The following SLC27A6 variants were observed in gnomAD, a reference collection of about 807,000 sequenced individuals.
The protein encoded by SLC27A6 is long-chain fatty acid transport protein 6.
SLC27A6 carries 74 observed loss-of-function variants against 63.9 expected under a neutral mutation model. That is an observed-to-expected ratio of 1.16 (90% CI 0.96 to 1.40). SLC27A6 has a LOEUF of 1.40. Among genes scored for constraint, SLC27A6 ranks in the 40% most tolerant of loss-of-function variants. SLC27A6 has a pLI of 0.00. For missense variants in SLC27A6, 794 were observed against 732.9 expected (o/e 1.08, Z -0.96); for synonymous variants, 287 against 260.8 (o/e 1.10, Z -0.97).
chr5:129,009,128 A>G (rs150909540), intron 4 of SLC27A6, among the ~76,000 whole-genome samples: 96 of 152,240 alleles, frequency 6.3e-4, no homozygotes, highest in African/African-American at 2.1e-3. Flanking sequence ...TGGCCTCCCA[A>G]AGTGCTGAGG....
rs774365229 is a variant in SLC27A6 at position 128,966,466 on chromosome 5, TG to T, written c.330del (p.Leu111Ter). Reference sequence around the variant, plus strand: ...CTGAAAAAGGGGGACACGGTGGCTCTGCTGATGAGCAATGAGCCGGACTTCG... The same window carrying T: ...CTGAAAAAGGGGGACACGGTGGCTCTCTGATGAGCAATGAGCCGGACTTCG... ...SSLKKGDTVA[L>X]LMSNEPDFVH... On this transcript the variant is annotated frameshift_variant, in exon 1 of 10. Coordinates refer to ENST00000262462, the MANE Select transcript of SLC27A6 (RefSeq NM_001017372.3). LOFTEE classifies it high-confidence loss of function. 6.2e-7 allele frequency: 1 copy of T among 1,608,952 alleles called. No individual in the cohort carries two copies. The highest frequency in any genetic ancestry group is 1.7e-5 in the Admixed American group (1 of 59,348).
intron 5 of SLC27A6, among the ~76,000 whole-genome samples, chr5:129,016,752 A>G (rs1163736033): frequency 6.6e-6 from 1 of 151,950 alleles, no homozygotes; most frequent in African/African-American, 2.4e-5. Context: ...CACTATTTCT[A>G]TTTATCTTTC....
At chr5:128,978,037 G>A (rs1418951417) in intron 1 of SLC27A6, among the ~76,000 whole-genome samples, 1 of 152,150 alleles carries the variant, frequency 6.6e-6, no homozygotes, top group Non-Finnish European at 1.5e-5. Context: ...AAGTTTCCCA[G>A]AGAAATTTGG....
At chr5:129,020,955 G>A (rs1303180863) in intron 5 of SLC27A6, among the ~76,000 whole-genome samples, 2 of 151,832 alleles carry the variant, frequency 1.3e-5, no homozygotes, top group African/African-American at 4.8e-5. Context: ...TCCTGGAATT[G>A]TATAATAATA....
intron 4 of SLC27A6, among the ~76,000 whole-genome samples, chr5:129,012,005 ATATAT>A (rs919632433): frequency 6.6e-6 from 1 of 151,934 alleles, no homozygotes; most frequent in Non-Finnish European, 1.5e-5. Context: ...ATAAATATAC[ATATAT>A]TATAGTTTGG....
rs141705091 is a variant in SLC27A6, at chr5:128,974,654, G to A, written c.481+8036G>A. Among the ~76,000 whole-genome samples, 90 of 152,298 alleles carry A rather than the reference G, an allele frequency of 5.9e-4. No homozygotes were observed. In the East Asian group the frequency reaches 0.017, roughly 28 times the overall value. On this transcript the variant is annotated intron_variant, in intron 1 of 9. Coordinates refer to ENST00000262462, the MANE Select transcript of SLC27A6 (RefSeq NM_001017372.3). ...TTAAATCATTATACCCCCAGGGAGA[G>A]TATATTGAGGTAGAAAGATGAATCA...
intron 9 of SLC27A6, among the ~76,000 whole-genome samples, chr5:129,032,905 A>C (rs1472626650): frequency 6.6e-6 from 1 of 151,966 alleles, no homozygotes; most frequent in East Asian, 1.9e-4. Flanking sequence ...TTTATATTTA[A>C]GTAAAGTTTA....
At chr5:128,997,134 C>T (rs758160208) in intron 4 of SLC27A6, among the ~76,000 whole-genome samples, 11 of 152,102 alleles carry the variant, frequency 7.2e-5, no homozygotes, top group Non-Finnish European at 1.3e-4. Flanking sequence ...TTTCCCACCA[C>T]ATTTTAGTAA....
intron 6 of SLC27A6, among the ~76,000 whole-genome samples, chr5:129,026,528 A>T (rs772089279): frequency 5.3e-5 from 8 of 152,170 alleles, no homozygotes; most frequent in Non-Finnish European, 4.4e-5. Flanking sequence ...TGTGTGTTGG[A>T]TCAGAGATAG....
chr5:128,967,922 C>A (rs1194388457), intron 1 of SLC27A6, among the ~76,000 whole-genome samples: 1 of 152,050 alleles, frequency 6.6e-6, no homozygotes, highest in East Asian at 1.9e-4. Context: ...TCCCCCCACC[C>A]CACGACAGGC....
intron 3 of SLC27A6, 69 bp downstream of exon 3, chr5:128,988,827 T>C: frequency 3.2e-6 from 4 of 1,250,722 alleles, no homozygotes; most frequent in Non-Finnish European, 4.5e-6. Flanking sequence ...TTTATTAACA[T>C]TTGAAGCTGT....
At chr5:128,967,594 G>C (rs563173095) in intron 1 of SLC27A6, among the ~76,000 whole-genome samples, 5 of 152,224 alleles carry the variant, frequency 3.3e-5, no homozygotes, top group African/African-American at 1.2e-4. Flanking sequence ...CTAAGGTATA[G>C]AACTTTTCAA....
At chr5:129,025,530 C>T (rs1752210951) in intron 6 of SLC27A6, among the ~76,000 whole-genome samples, 1 of 151,846 alleles carries the variant, frequency 6.6e-6, no homozygotes, top group South Asian at 2.1e-4. Context: ...TCAGTTTTTT[C>T]ACCTTAAAAT....
intron 1 of SLC27A6, 40 bp from the exon 2 acceptor site, chr5:128,985,093 T>G: frequency 6.9e-7 from 1 of 1,456,606 alleles, no homozygotes; most frequent in African/African-American, 1.4e-5. Context: ...TGTTTGAGAT[T>G]TAAGGTTTGC....
chr5:129,021,634 G>A (rs1752078992), intron 5 of SLC27A6, among the ~76,000 whole-genome samples: 1 of 152,158 alleles, frequency 6.6e-6, no homozygotes, highest in Non-Finnish European at 1.5e-5. Context: ...GTACATTTGG[G>A]AGATTTTAAT....
At chr5:129,006,071 G>GTTTTTTTTTTTTGTTTTTTT in intron 4 of SLC27A6, among the ~76,000 whole-genome samples, 1 of 60,142 alleles carries the variant, frequency 1.7e-5, no homozygotes, top group Admixed American at 2.7e-4. Flanking sequence ...TGTGCACACT[G>GTTTTTTTTTTTTGTTTTTTT]TTTTTTTTTT....
intron 4 of SLC27A6, among the ~76,000 whole-genome samples, chr5:128,990,763 G>A (rs1750950996): frequency 6.6e-6 from 1 of 152,216 alleles, no homozygotes; most frequent in South Asian, 2.1e-4. Flanking sequence ...GAAGAGAACC[G>A]TGGAACCCAG....
At chr5:128,973,072 C>A (rs1032722012) in intron 1 of SLC27A6, among the ~76,000 whole-genome samples, 1 of 152,176 alleles carries the variant, frequency 6.6e-6, no homozygotes, top group African/African-American at 2.4e-5. Flanking sequence ...CTCCAGACCC[C>A]GTTTGCCTGG....
chr5:128,973,453 G>A (rs557466466), intron 1 of SLC27A6, among the ~76,000 whole-genome samples: 1 of 152,298 alleles, frequency 6.6e-6, no homozygotes, highest in Admixed American at 6.5e-5. Flanking sequence ...GCACTGCTTT[G>A]TTTACCTAGT....
Sources: allele counts gnomAD v4.1 joint callset (sites outside exome capture counted in the v4.1 genomes callset), GRCh38; gene constraint gnomAD v4.1.1; transcripts MANE v1.5; gene names NCBI Gene and HGNC (gene_info 2026-07-23, HGNC 2026-07-21).